Variants in CA5A observed in about 807,000 individuals in gnomAD.
CA5A encodes carbonic anhydrase 5A, mitochondrial.
A neutral mutation model predicts 37.1 loss-of-function variants in CA5A; 28 were observed. That is an observed-to-expected ratio of 0.75 (90% CI 0.56 to 1.03). The LOEUF (loss-of-function observed/expected upper bound fraction) is 1.03, where lower values mean the gene tolerates loss of function less well. Ranked by LOEUF, CA5A falls within the 50% of genes least tolerant of loss-of-function variation. The probability of loss-of-function intolerance (pLI) is 0.00; values close to 1 mark genes in which losing one functional copy is unlikely to be tolerated. For synonymous variants in CA5A, 171 were observed against 158.4 expected (o/e 1.08, Z -0.60); for missense variants, 444 against 399.9 (o/e 1.11, Z -0.94).
downstream of CA5A, chr16:87,883,223 C>G (rs1410898059): frequency 6.6e-6 from 1 of 152,146 alleles, no homozygotes; most frequent in Non-Finnish European, 1.5e-5. Flanking sequence ...CAGGGTTTCA[C>G]AATATTGCCC....
rs185298245 is a variant in CA5A at position 87,903,039 on chromosome 16, G to T, written c.460-519C>A. Among the ~76,000 whole-genome samples the T allele has an allele frequency of 1.8e-4, 27 of 152,222 alleles. No homozygotes were observed. The East Asian group carries it at 5.0e-3, about 28-fold the overall frequency. ...GGAACAGCCTCAGTCTTCCTGGTGGGGGGGGAAAGGAGAGGATCATGTTAA... is the reference window on the plus strand; with the variant it reads ...GGAACAGCCTCAGTCTTCCTGGTGGTGGGGGAAAGGAGAGGATCATGTTAA... On this transcript the variant is annotated intron_variant, in intron 3 of 6. Coordinates refer to ENST00000649794, the MANE Select transcript of CA5A (RefSeq NM_001739.2).
chr16:87,919,207 C>G (rs962366950), intron 2 of CA5A, among the ~76,000 whole-genome samples: 1 of 152,200 alleles, frequency 6.6e-6, no homozygotes, highest in Non-Finnish European at 1.5e-5. Context: ...CTGAGAGCAA[C>G]CGAGTCAGGG....
chr16:87,888,256 G>A lies in CA5A; in HGVS notation c.791C>T (p.Thr264Ile), dbSNP rs371463600. The change falls in exon 7 of 7, where the codon ACT (threonine) becomes ATT (isoleucine). Residue 264 changes from threonine (T) to isoleucine (I), a missense_variant. Coordinates refer to ENST00000649794, the MANE Select transcript of CA5A (RefSeq NM_001739.2). ...VAPSQLSAFR[T>I]LLFSALGEEE... ...TTCACCAAGTGCAGAAAACAGGAGA[G>A]TACGAAATGCAGAGAGCTGGAATAG... 66 of 1,613,452 alleles carry A rather than the reference G, an allele frequency of 4.1e-5. 1 individual carries two copies. Among genetic ancestry groups the A allele is most frequent in the Non-Finnish European group, 5.5e-5 (65 of 1,179,622 alleles).
intron 2 of CA5A, among the ~76,000 whole-genome samples, chr16:87,907,566 C>T (rs2055983525): frequency 1.3e-5 from 2 of 152,188 alleles, no homozygotes; most frequent in African/African-American, 2.4e-5. Flanking sequence ...TTAGACTGGA[C>T]CCAGCCTGGT....
intron 5 of CA5A, among the ~76,000 whole-genome samples, chr16:87,898,655 T>C (rs1217339895): frequency 6.6e-6 from 1 of 151,620 alleles, no homozygotes; most frequent in African/African-American, 2.4e-5. Flanking sequence ...GGCCTTAAAC[T>C]CAACTGCACA....
chr16:87,928,542 T>C (rs2056347044), intron 1 of CA5A, among the ~76,000 whole-genome samples: 1 of 152,168 alleles, frequency 6.6e-6, no homozygotes, highest in South Asian at 2.1e-4. Flanking sequence ...AGTTGCCTTT[T>C]TTCATTTAAC....
At chr16:87,921,188 C>A (rs2056224853) in intron 2 of CA5A, among the ~76,000 whole-genome samples, 1 of 152,220 alleles carries the variant, frequency 6.6e-6, no homozygotes, top group Non-Finnish European at 1.5e-5. Context: ...CTCAGCCTCC[C>A]AAAGTGTTGG....
At chr16:87,887,982 T>G, downstream of CA5A, 2 of 1,246,406 alleles carry the variant, frequency 1.6e-6, no homozygotes, top group Non-Finnish European at 1.1e-6. Context: ...TTTCTTTCAC[T>G]TGCAGCTGAA....
chr16:87,890,712 T>C (rs887320349), intron 6 of CA5A, among the ~76,000 whole-genome samples: 3 of 152,160 alleles, frequency 2.0e-5, no homozygotes, highest in African/African-American at 7.2e-5. Flanking sequence ...GCCTTCCAGG[T>C]TCAAGTGATT....
chr16:87,931,662 G>T (rs1177674883), intron 1 of CA5A, among the ~76,000 whole-genome samples: 1 of 152,180 alleles, frequency 6.6e-6, no homozygotes, highest in Admixed American at 6.5e-5. Flanking sequence ...GATAGACGGG[G>T]AGGATGCATT....
At chr16:87,914,943 C>A (rs1458066190) in intron 2 of CA5A, among the ~76,000 whole-genome samples, 1 of 152,246 alleles carries the variant, frequency 6.6e-6, no homozygotes, top group Non-Finnish European at 1.5e-5. Context: ...GAGAGTTAAT[C>A]CACAGAGGAG....
intron 2 of CA5A, among the ~76,000 whole-genome samples, chr16:87,920,569 C>T (rs1228940871): frequency 6.6e-6 from 1 of 152,068 alleles, no homozygotes; most frequent in African/African-American, 2.4e-5. Flanking sequence ...CTCTGCCTCC[C>T]AAAGCACTGG....
chr16:87,917,693 A>G (rs1218755504), intron 2 of CA5A, among the ~76,000 whole-genome samples: 1 of 150,086 alleles, frequency 6.7e-6, no homozygotes, highest in Non-Finnish European at 1.5e-5. Context: ...CACAATGCAC[A>G]CCCGCACACG....
At chr16:87,896,599 T>C (rs943682771) in intron 5 of CA5A, among the ~76,000 whole-genome samples, 1 of 152,194 alleles carries the variant, frequency 6.6e-6, no homozygotes, top group Admixed American at 6.5e-5. Context: ...CACAAGCCTT[T>C]GCTGGTGGAA....
At chr16:87,920,279 C>G (rs927917503) in intron 2 of CA5A, among the ~76,000 whole-genome samples, 6 of 152,194 alleles carry the variant, frequency 3.9e-5, no homozygotes, top group Admixed American at 6.5e-5. Flanking sequence ...TTTCTTTGCT[C>G]TCAGTTTAGT....
rs111542330 is a variant in CA5A, at chr16:87,892,704, G to A, written c.619-750C>T. Reference sequence around the variant, plus strand: ...TTTTTTTTTTTCGAGATGGAGTTTTGCTCTTGTTGCCCAGGCTGGAGTGCA... The same window carrying A: ...TTTTTTTTTTTCGAGATGGAGTTTTACTCTTGTTGCCCAGGCTGGAGTGCA... On this transcript the variant is annotated intron_variant, in intron 5 of 6. Transcript: ENST00000649794. Among the ~76,000 whole-genome samples the A allele has an allele frequency of 1.8e-4, 18 of 98,484 alleles. 1 individual carries two copies. The highest frequency in any genetic ancestry group is 7.1e-4 in the African/African-American group (18 of 25,358). 64.6% of individuals were successfully genotyped at this position (98,484 alleles called of 152,430 possible).
At position 87,892,510 on chromosome 16, in the gene CA5A, AAATAATAATAATAATAATAATAAT is replaced by A. The variant is rs371000298; in HGVS notation, c.619-580_619-557del. The stretch of plus-strand genomic sequence containing the variant: ...GGGCAACAGAGTGAGACTCTGTCTC[AAATAATAATAATAATAATAATAAT>A]AATAATAATAATAATAATAATAAAT... On this transcript the variant is annotated intron_variant, in intron 5 of 6. Coordinates refer to ENST00000649794, the MANE Select transcript of CA5A (RefSeq NM_001739.2). Among the ~76,000 whole-genome samples the A allele has an allele frequency of 2.2e-5, 3 of 135,304 alleles. No individual in the cohort carries two copies. In the Admixed American group the frequency reaches 2.3e-4, roughly 10 times the overall value. The allele number at this position is 135,304 out of a possible 152,430, so 88.8% of individuals were successfully genotyped here.
chr16:87,905,833 GTGCCCCTCT>G (rs2055953174), intron 2 of CA5A, among the ~76,000 whole-genome samples: 1 of 152,226 alleles, frequency 6.6e-6, no homozygotes, highest in Admixed American at 6.5e-5. Context: ...AGGCCTCGGG[GTGCCCCTCT>G]CCATGGCACA....
Position 87,904,056 on chromosome 16 carries a change from T to A in CA5A, c.459+730A>T, listed in dbSNP as rs148718740. ...TGAAAATAAGACTGCTTTAAGATGA[T>A]CTTAGCCGGGTACGGTGGCTCACGC... On this transcript the variant is annotated intron_variant, in intron 3 of 6. Transcript: ENST00000649794. 2.7e-4 allele frequency among the ~76,000 whole-genome samples: 41 copies of A among 152,222 alleles called. No individual in the cohort carries two copies. In the East Asian group the frequency reaches 7.9e-3, roughly 29 times the overall value.
Sources: gnomAD v4.1 joint callset for allele counts (sites outside exome capture counted in the v4.1 genomes callset) on GRCh38, gnomAD v4.1.1 for gene constraint, MANE v1.5 for transcripts, NCBI Gene and HGNC (gene_info 2026-07-23, HGNC 2026-07-21) for gene names.